The following RSPRY1 variants were observed in gnomAD, a reference collection of about 807,000 sequenced individuals.
RSPRY1 encodes the protein RING finger and SPRY domain-containing protein 1.
Under a neutral mutation model 73.1 loss-of-function variants are expected in RSPRY1, and 23 were observed. The ratio of observed to expected loss-of-function variants is 0.31; its 90% confidence interval spans 0.23 to 0.45. RSPRY1 has a LOEUF of 0.45. Among genes scored for constraint, RSPRY1 ranks in the 20% least tolerant of loss-of-function variants. RSPRY1 has a pLI of 1.00. For missense variants in RSPRY1, 448 were observed against 698.7 expected (o/e 0.64, Z 4.05); for synonymous variants, 226 against 251.4 (o/e 0.90, Z 0.95).
chr16:57,220,602 T>C (rs755378495), intron 8 of RSPRY1, 130 bp from the exon 9 acceptor site: 95 of 521,888 alleles, frequency 1.8e-4, no homozygotes, highest in Non-Finnish European at 2.9e-4. Context: ...ACATGGATAA[T>C]TTGACTTCTT....
chr16:57,209,269 T>G (rs2074788409), intron 4 of RSPRY1, 82 bp downstream of exon 4: 8 of 907,226 alleles, frequency 8.8e-6, no homozygotes, highest in Non-Finnish European at 1.4e-5. Flanking sequence ...TTTGATGTAT[T>G]GTGTTTCATC....
intron 7 of RSPRY1, 80 bp from the exon 8 acceptor site, chr16:57,216,824 C>T (rs550057573): frequency 2.2e-6 from 3 of 1,347,270 alleles, no homozygotes; most frequent in Admixed American, 1.7e-5. Flanking sequence ...GCCTCTTCCC[C>T]CTCCTTAGCA....
At chr16:57,211,339 G>A (rs1230129607) in intron 4 of RSPRY1, among the ~76,000 whole-genome samples, 1 of 152,068 alleles carries the variant, frequency 6.6e-6, no homozygotes, top group Non-Finnish European at 1.5e-5. Context: ...GGAGGCCAAG[G>A]CAGACAGATC....
intron 6 of RSPRY1, 60 bp from the exon 7 acceptor site, chr16:57,216,047 T>C: frequency 7.6e-7 from 1 of 1,323,506 alleles, no homozygotes; most frequent in Non-Finnish European, 1.1e-6. Context: ...AACTGATAAC[T>C]TGCCACCTCT....
chr16:57,230,052 C>G (rs867340222), intron 11 of RSPRY1, among the ~76,000 whole-genome samples: 33 of 143,556 alleles, frequency 2.3e-4, no homozygotes, highest in African/African-American at 7.0e-4. Flanking sequence ...GCCCCGTCAC[C>G]CAGGCTGGAG....
intron 1 of RSPRY1, among the ~76,000 whole-genome samples, chr16:57,202,654 T>C (rs747352436): frequency 1.3e-5 from 2 of 152,062 alleles, no homozygotes; most frequent in Non-Finnish European, 2.9e-5. Flanking sequence ...CACATCCTTT[T>C]CAGTACAACC....
chr16:57,214,423 G>T (rs186242209), intron 6 of RSPRY1, among the ~76,000 whole-genome samples: 17 of 152,274 alleles, frequency 1.1e-4, no homozygotes, highest in African/African-American at 3.9e-4. Context: ...GTTTGCTGAG[G>T]CTGTGCCCTC....
chr16:57,204,002 G>C (rs2074675576), intron 1 of RSPRY1, among the ~76,000 whole-genome samples: 1 of 152,050 alleles, frequency 6.6e-6, no homozygotes, highest in Admixed American at 6.6e-5. Flanking sequence ...TATCATATTT[G>C]TATCATAACT....
chr16:57,230,085 ACT>A (rs1168282323), intron 11 of RSPRY1, among the ~76,000 whole-genome samples: 1 of 132,956 alleles, frequency 7.5e-6, no homozygotes, highest in African/African-American at 2.9e-5. Context: ...ATGTCGTCTC[ACT>A]GCAACCTCCG....
At chr16:57,238,454 T>G (rs1299408563) in intron 14 of RSPRY1, among the ~76,000 whole-genome samples, 1 of 152,196 alleles carries the variant, frequency 6.6e-6, no homozygotes, top group Non-Finnish European at 1.5e-5. Context: ...AATAATGGAA[T>G]ACAATAAAAG....
intron 8 of RSPRY1, 113 bp from the exon 9 acceptor site, chr16:57,220,619 C>A: frequency 1.8e-6 from 1 of 547,038 alleles, no homozygotes; most frequent in Non-Finnish European, 3.3e-6. Flanking sequence ...TCTTCCTTTC[C>A]ATTTTGGATG....
At chr16:57,210,149 G>A (rs1252646692) in intron 4 of RSPRY1, among the ~76,000 whole-genome samples, 3 of 149,748 alleles carry the variant, frequency 2.0e-5, no homozygotes, top group African/African-American at 4.9e-5. Flanking sequence ...CACAGTCATG[G>A]CTCACTGTAT....
Position 57,187,988 on chromosome 16 carries a change from T to G in RSPRY1, c.-156+1537T>G, listed in dbSNP as rs573002346. 2.0e-5 allele frequency among the ~76,000 whole-genome samples: 3 copies of G among 152,352 alleles called. No homozygotes were observed. In the South Asian group the frequency reaches 6.2e-4, roughly 32 times the overall value. On this transcript the variant is annotated intron_variant, in intron 1 of 14. Coordinates refer to ENST00000394420, the MANE Select transcript of RSPRY1 (RefSeq NM_133368.3). ...CTCAACATTGTAAACCTCCTCCCCCTTTTGCATATATATATGCATGGCTTT... is the reference window on the plus strand; with the variant it reads ...CTCAACATTGTAAACCTCCTCCCCCGTTTGCATATATATATGCATGGCTTT...
intron 7 of RSPRY1, 40 bp from the exon 8 acceptor site, chr16:57,216,864 C>G (rs1256433210): frequency 4.4e-6 from 7 of 1,593,634 alleles, no homozygotes; most frequent in Non-Finnish European, 6.0e-6. Context: ...ATCATTCTAC[C>G]CTTTCATTGT....
intron 7 of RSPRY1, 75 bp downstream of exon 7, chr16:57,216,248 A>T (rs2074938912): frequency 1.8e-6 from 2 of 1,081,944 alleles, no homozygotes; most frequent in Non-Finnish European, 1.4e-6. Flanking sequence ...TAGTTACTGG[A>T]TAAGCCTACA....
chr16:57,200,984 G>A (rs1399853872), intron 1 of RSPRY1, among the ~76,000 whole-genome samples: 1 of 115,346 alleles, frequency 8.7e-6, no homozygotes, highest in East Asian at 2.7e-4. Context: ...CCTCCCTCCC[G>A]GACGGGCGGC....
chr16:57,235,225 A>G lies in RSPRY1; in HGVS notation c.1631A>G (p.His544Arg). Residue 544 changes from histidine to arginine, a missense_variant, in exon 14 of 15, where the codon CAC becomes CGC. Physicochemically the swap from His to Arg is conservative, Grantham distance 29. Transcript: ENST00000394420. ...GACACACAATTGAAGCCATGTGGAC[A>G]CAGGTAAGAGGATTTATATTAGGCA... ...VADTQLKPCG[H>R]SDLCMDCALQ... 1 of 1,609,358 alleles carries G rather than the reference A, an allele frequency of 6.2e-7. No individual in the cohort carries two copies. Among genetic ancestry groups the G allele is most frequent in the Non-Finnish European group, 8.5e-7 (1 of 1,175,610 alleles).
chr16:57,198,911 G>C (rs1473078513), intron 1 of RSPRY1, among the ~76,000 whole-genome samples: 1 of 152,202 alleles, frequency 6.6e-6, no homozygotes, highest in Non-Finnish European at 1.5e-5. Flanking sequence ...CCTTACCACT[G>C]TGAGGAAGGA....
At chr16:57,227,631 G>A (rs572966331) in intron 11 of RSPRY1, among the ~76,000 whole-genome samples, 178 bp downstream of exon 11, 1 of 152,272 alleles carries the variant, frequency 6.6e-6, no homozygotes, top group Non-Finnish European at 1.5e-5. Context: ...TTTACCTCTG[G>A]TGGAGTTCTT....
Sources: allele counts gnomAD v4.1 joint callset (sites outside exome capture counted in the v4.1 genomes callset), GRCh38; gene constraint gnomAD v4.1.1; transcripts MANE v1.5; gene names NCBI Gene and HGNC (gene_info 2026-07-23, HGNC 2026-07-21).